LPGAT1: variants seen among roughly 807,000 people sequenced by gnomAD.
LPGAT1 encodes the protein lysophosphatidylglycerol acyltransferase 1, also known as acyl-CoA:lysophosphatidylglycerol acyltransferase 1.
Under a neutral mutation model 47.5 loss-of-function variants are expected in LPGAT1, and 11 were observed. The observed-to-expected ratio is 0.23, with a 90% confidence interval of 0.15 to 0.38. LPGAT1 has a LOEUF of 0.38. Among genes scored for constraint, LPGAT1 ranks in the 10% least tolerant of loss-of-function variants. The probability of loss-of-function intolerance (pLI) is 1.00; values close to 1 mark genes in which losing one functional copy is unlikely to be tolerated. For synonymous variants in LPGAT1, 138 were observed against 144.2 expected, an observed-to-expected ratio of 0.96 and a Z score of 0.31; for missense variants, 293 against 439.0, an observed-to-expected ratio of 0.67 and a Z score of 2.97.
rs1656966861 is a variant in LPGAT1, at chr1:211,746,859, TGCTGGCTTGGTCACTTTTGCAGTGACTG to T, written c.*3012_*3039del. 6.6e-6 allele frequency: 1 copy of T among 152,238 alleles called. No homozygotes were observed. The highest frequency in any genetic ancestry group is 6.5e-5 in the Admixed American group (1 of 15,284). 9.4% of individuals were successfully genotyped at this position (152,238 alleles called of 1,614,324 possible). ...ATTGTTTCTGAAGTTAAGGGTGACCTGCTGGCTTGGTCACTTTTGCAGTGACTGGACCTGCCTGTGGCCAAGCACATGT... is the reference window on the plus strand; with the variant it reads ...ATTGTTTCTGAAGTTAAGGGTGACCTGACCTGCCTGTGGCCAAGCACATGT... On this transcript the variant is annotated 3_prime_UTR_variant, in exon 8 of 8. Coordinates refer to ENST00000366997, the MANE Select transcript of LPGAT1 (RefSeq NM_014873.3).
chr1:211,815,090 C>T (rs1430279542), intron 2 of LPGAT1, among the ~76,000 whole-genome samples: 2 of 152,172 alleles, frequency 1.3e-5, no homozygotes, highest in Non-Finnish European at 2.9e-5. Context: ...TCACTTCGTA[C>T]TGAGATATCC....
chr1:211,826,953 A>C (rs954764667), intron 2 of LPGAT1, among the ~76,000 whole-genome samples: 1 of 152,220 alleles, frequency 6.6e-6, no homozygotes, highest in African/African-American at 2.4e-5. Context: ...AAAGGCTAAT[A>C]TAACACCTGA....
At position 211,749,344 on chromosome 1, in the gene LPGAT1, T is replaced by C. The variant is rs1657079813; in HGVS notation, c.*555A>G. On this transcript the variant is annotated 3_prime_UTR_variant, in exon 8 of 8. Transcript: ENST00000366997. ...GACACTGCTTTTCCCCCACAGAGAA[T>C]GTCAATATTCTAGAGTTTGTTACTG... 6.4e-6 allele frequency: 1 copy of C among 155,866 alleles called. No individual in the cohort carries two copies. The highest frequency in any genetic ancestry group is 2.0e-4 in the South Asian group (1 of 4,960). The allele number at this position is 155,866 out of a possible 1,614,324, so 9.7% of individuals were successfully genotyped here.
intron 2 of LPGAT1, among the ~76,000 whole-genome samples, chr1:211,815,738 C>T (rs1660146967): frequency 6.6e-6 from 1 of 150,936 alleles, no homozygotes; most frequent in Non-Finnish European, 1.5e-5. Context: ...AGCCACTGGC[C>T]TTCCCTTTGT....
Position 211,771,648 on chromosome 1 carries a change from C to T in LPGAT1, c.854+7270G>A, listed in dbSNP as rs1281621984. On this transcript the variant is annotated intron_variant, in intron 6 of 7. Transcript: ENST00000366997. Reference sequence around the variant, plus strand: ...CCTCCCGAGTAGCTGGGATTACAGGCGCTCACCACCATACCAGCTAATTTT... The same window carrying T: ...CCTCCCGAGTAGCTGGGATTACAGGTGCTCACCACCATACCAGCTAATTTT... 5.3e-5 allele frequency among the ~76,000 whole-genome samples: 8 copies of T among 152,064 alleles called. No individual in the cohort carries two copies. In the South Asian group the frequency reaches 6.2e-4, roughly 12 times the overall value.
At chr1:211,786,930 C>T (rs891808950) in intron 4 of LPGAT1, among the ~76,000 whole-genome samples, 1 of 152,078 alleles carries the variant, frequency 6.6e-6, no homozygotes, top group Non-Finnish European at 1.5e-5. Flanking sequence ...ATAGCTATTA[C>T]TTCATTTAAT....
chr1:211,824,466 C>T (rs536822438), intron 2 of LPGAT1, among the ~76,000 whole-genome samples: 1 of 152,254 alleles, frequency 6.6e-6, no homozygotes, highest in Admixed American at 6.5e-5. Flanking sequence ...GGTAACAAAT[C>T]AGACCCTAGG....
At chr1:211,802,548 T>A (rs1659616535) in intron 2 of LPGAT1, among the ~76,000 whole-genome samples, 2 of 151,868 alleles carry the variant, frequency 1.3e-5, no homozygotes, top group South Asian at 4.2e-4. Flanking sequence ...GAAATTAACA[T>A]AATTGTAAAA....
chr1:211,749,782 C>A lies in LPGAT1; in HGVS notation c.*117G>T. ...AAAGGGGGATAAATATTAATCCATC[C>A]ATTGAATTTCTTTTGCTTTTTTTTA... On this transcript the variant is annotated 3_prime_UTR_variant, in exon 8 of 8. Transcript: ENST00000366997. 1.0e-6 allele frequency: 1 copy of A among 979,048 alleles called. No homozygotes were observed. 60.6% of individuals were successfully genotyped at this position (979,048 alleles called of 1,614,324 possible). A position where few individuals can be genotyped will look rare whatever the true frequency, so the allele number is the denominator to read the frequency against.
chr1:211,822,342 C>T (rs2102605086), intron 2 of LPGAT1, among the ~76,000 whole-genome samples: 1 of 152,250 alleles, frequency 6.6e-6, no homozygotes, highest in African/African-American at 2.4e-5. Flanking sequence ...CACCAAATTG[C>T]TGAGTTTAAA....
At chr1:211,789,128 C>T (rs1189158182) in intron 3 of LPGAT1, among the ~76,000 whole-genome samples, 1 of 152,130 alleles carries the variant, frequency 6.6e-6, no homozygotes, top group Non-Finnish European at 1.5e-5. Context: ...ACCAGCATCC[C>T]ATCTTGTTTT....
At chr1:211,796,532 C>T (rs1292753171) in intron 2 of LPGAT1, among the ~76,000 whole-genome samples, 1 of 152,162 alleles carries the variant, frequency 6.6e-6, no homozygotes, top group Non-Finnish European at 1.5e-5. Flanking sequence ...CATGGCCCTG[C>T]TGACGCCTTG....
In LPGAT1 at chr1:211,768,912, A is replaced by G. The variant is rs1658051231; in HGVS notation, c.854+10006T>C. ...CGTGGAGGAGGAAACAGTCAGTAGG[A>G]ACATGAAGTAGGAATACGTTTGGGA... On this transcript the variant is annotated intron_variant, in intron 6 of 7. Transcript: ENST00000366997. Among the ~76,000 whole-genome samples the G allele has an allele frequency of 2.0e-5, 3 of 152,314 alleles. 1 individual carries two copies. In the South Asian group the frequency reaches 6.2e-4, roughly 32 times the overall value.
At chr1:211,822,733 G>A (rs560682624) in intron 2 of LPGAT1, among the ~76,000 whole-genome samples, 2 of 151,362 alleles carry the variant, frequency 1.3e-5, no homozygotes, top group South Asian at 4.2e-4. Flanking sequence ...GGCCAAGATC[G>A]TGCCATTGCA....
chr1:211,813,496 C>A (rs1483763165), intron 2 of LPGAT1, among the ~76,000 whole-genome samples: 1 of 152,078 alleles, frequency 6.6e-6, no homozygotes, highest in Non-Finnish European at 1.5e-5. Flanking sequence ...TTCAAATATG[C>A]AGGCCAAGAG....
intron 2 of LPGAT1, among the ~76,000 whole-genome samples, chr1:211,799,676 A>C (rs1036254043): frequency 6.6e-6 from 1 of 152,188 alleles, no homozygotes; most frequent in Non-Finnish European, 1.5e-5. Flanking sequence ...TGGCAACAAT[A>C]AGGAGGGGTA....
intron 2 of LPGAT1, among the ~76,000 whole-genome samples, chr1:211,824,138 C>T (rs564720687): frequency 6.6e-6 from 1 of 152,214 alleles, no homozygotes; most frequent in Non-Finnish European, 1.5e-5. Context: ...CTCACCACGC[C>T]TGTAATCCCA....
intron 4 of LPGAT1, 101 bp downstream of exon 4, chr1:211,787,531 G>C: frequency 2.0e-6 from 1 of 489,994 alleles, no homozygotes; most frequent in Non-Finnish European, 3.7e-6. Flanking sequence ...CTGGTTAGAA[G>C]CAGCCCTACC....
intron 4 of LPGAT1, among the ~76,000 whole-genome samples, chr1:211,785,526 T>C (rs905443394): frequency 6.6e-6 from 1 of 152,068 alleles, no homozygotes; most frequent in Non-Finnish European, 1.5e-5. Context: ...AAACTTCACA[T>C]AGTAATCACA....
Sources: gnomAD v4.1 joint callset for allele counts (sites outside exome capture counted in the v4.1 genomes callset) on GRCh38, gnomAD v4.1.1 for gene constraint, MANE v1.5 for transcripts, NCBI Gene and HGNC (gene_info 2026-07-23, HGNC 2026-07-21) for gene names.